RTL1: variants seen among roughly 807,000 people sequenced by gnomAD.
RTL1 encodes retrotransposon Gag like 1, also known as retrotransposon-like protein 1.
For missense variants in RTL1, 1,681 were observed against 1,767.5 expected, an observed-to-expected ratio of 0.95 and a Z score of 0.88; for synonymous variants, 727 against 748.4, an observed-to-expected ratio of 0.97 and a Z score of 0.47.
chr14:100,889,213 C>A (rs188592946), intron 3 of RTL1, among the ~76,000 whole-genome samples: 113 of 152,304 alleles, frequency 7.4e-4, no homozygotes, highest in Middle Eastern at 3.4e-3. Flanking sequence ...CTTAAAATCT[C>A]AACGTGTTTT....
At chr14:100,890,466 G>C (rs1395877356) in intron 3 of RTL1, among the ~76,000 whole-genome samples, 11 of 150,508 alleles carry the variant, frequency 7.3e-5, no homozygotes, top group Non-Finnish European at 1.6e-4. Context: ...CCGGGGTGGG[G>C]GAATTAGGGG....
At chr14:100,886,324 C>A (rs73349355) in intron 3 of RTL1, among the ~76,000 whole-genome samples, 2,427 of 152,004 alleles carry the variant, frequency 0.016, 66 homozygotes, top group African/African-American at 0.055. Context: ...AAATTAAGTA[C>A]ACCCTTGTTA....
At chr14:100,897,763 T>TGGGGGGGGGGGGGGGGGGGGGGGGGGG (rs1566760864) in intron 2 of RTL1, 5 of 26,742 alleles carry the variant, frequency 1.9e-4, no homozygotes, top group African/African-American at 1.9e-4. Flanking sequence ...GGGGGGGGGG[T>TGGGGGGGGGGGGGGGGGGGGGGGGGGG]GGGGGGGTGG....
At position 100,880,993 on chromosome 14, in the gene RTL1, C is replaced by T. The variant is rs376273157; in HGVS notation, c.3796G>A (p.Glu1266Lys). Residue 1266 changes from glutamate to lysine, a missense_variant, in exon 4 of 4, where the codon GAG (glutamate) becomes AAG (lysine). Coordinates refer to ENST00000649591, the MANE Select transcript of RTL1 (RefSeq NM_001134888.3). ...GCTGCTGTGTGGCTGGGTGGGGCCT[C>T]CTGCACGTCGTTGTCCTGCTTGTCC... ...SQDKQDNDVQ[E>K]APPSHTAATH... 6.5e-5 allele frequency: 102 copies of T among 1,563,804 alleles called. No homozygotes were observed. The East Asian group carries it at 1.1e-3, about 17-fold the overall frequency.
chr14:100,885,734 T>A (rs2140039585), intron 3 of RTL1, among the ~76,000 whole-genome samples: 1 of 152,302 alleles, frequency 6.6e-6, no homozygotes, highest in African/African-American at 2.4e-5. Context: ...CTCCCAGGAC[T>A]GCCCTCTTTG....
At chr14:100,891,231 T>C (rs2140046890) in intron 3 of RTL1, among the ~76,000 whole-genome samples, 1 of 152,196 alleles carries the variant, frequency 6.6e-6, no homozygotes, top group East Asian at 1.9e-4. Context: ...AAAGACGACT[T>C]GAGCCTTACA....
At position 100,881,223 on chromosome 14, in the gene RTL1, G is replaced by C; in HGVS notation, c.3566C>G (p.Thr1189Ser). Residue 1189 changes from threonine (T) to serine (S), a missense_variant, in exon 4 of 4, where the codon ACC becomes AGC. Transcript: ENST00000649591. The surrounding 1 kb of genome is among the most constrained non-coding windows in gnomAD (Gnocchi z 6.6). ...ACACAGCGTCAGCCAGAAGCCAGGGGTGAACTGCAGGCCTCGGTGGGCCTG... is the reference window on the plus strand; with the variant it reads ...ACACAGCGTCAGCCAGAAGCCAGGGCTGAACTGCAGGCCTCGGTGGGCCTG... ...HSQAHRGLQF[T>S]PGFWLTLCEF... The C allele has an allele frequency of 6.5e-7, 1 of 1,546,650 alleles. No homozygotes were observed. Among genetic ancestry groups the C allele is most frequent in the African/African-American group, 1.4e-5 (1 of 73,092 alleles).
intron 2 of RTL1, among the ~76,000 whole-genome samples, chr14:100,898,489 C>T (rs1294152918): frequency 6.6e-6 from 1 of 152,188 alleles, no homozygotes; most frequent in African/African-American, 2.4e-5. Flanking sequence ...GCATTTTGAC[C>T]TTGTTACTGT....
chr14:100,899,811 G>T (rs554216422), intron 2 of RTL1, among the ~76,000 whole-genome samples: 19 of 151,686 alleles, frequency 1.3e-4, no homozygotes, highest in African/African-American at 4.4e-4. Flanking sequence ...TAGCCAACAC[G>T]CAGTACCCAG....
chr14:100,903,024 G>A (rs565980550), intron 2 of RTL1, among the ~76,000 whole-genome samples: 1 of 152,286 alleles, frequency 6.6e-6, no homozygotes, highest in South Asian at 2.1e-4. Context: ...CCGGCCTGTG[G>A]AACTCACAGT....
chr14:100,880,229 C>A lies in RTL1; in HGVS notation c.*483G>T, dbSNP rs1211083416. Among the ~76,000 whole-genome samples the A allele has an allele frequency of 1.9e-4, 13 of 67,746 alleles. No homozygotes were observed. The highest frequency in any genetic ancestry group is 1.8e-4 in the African/African-American group (3 of 16,282). The allele number at this position is 67,746 out of a possible 152,430, so 44.4% of individuals were successfully genotyped here. On this transcript the variant is annotated 3_prime_UTR_variant, in exon 4 of 4. Transcript: ENST00000649591. ...GGGGATGGGGGTTGGGGGGCGGGGGCGGGAGCTCAGGGGAGCAGGAGCACC... is the reference window on the plus strand; with the variant it reads ...GGGGATGGGGGTTGGGGGGCGGGGGAGGGAGCTCAGGGGAGCAGGAGCACC...
chr14:100,890,464 G>T (rs558145450), intron 3 of RTL1, among the ~76,000 whole-genome samples: 2 of 151,668 alleles, frequency 1.3e-5, no homozygotes, highest in African/African-American at 4.8e-5. Flanking sequence ...GGCCGGGGTG[G>T]GGGAATTAGG....
chr14:100,895,303 A>G (rs2038840143), intron 2 of RTL1, among the ~76,000 whole-genome samples: 1 of 152,042 alleles, frequency 6.6e-6, no homozygotes, highest in South Asian at 2.1e-4. Context: ...GAGATGGATG[A>G]CTGTGGGGGT....
In RTL1 at chr14:100,882,361, G is replaced by A. The variant is rs777275146; in HGVS notation, c.2428C>T (p.Arg810Ter). Residue 810 changes from arginine to a stop codon, truncating the protein, a stop_gained, in exon 4 of 4, where the codon CGA (arginine) becomes TGA (stop). Coordinates refer to ENST00000649591, the MANE Select transcript of RTL1 (RefSeq NM_001134888.3). LOFTEE classifies it low-confidence loss of function (END_TRUNC). ...YPTPGSKLSLRNFIEFVFPYR... is the reference protein window; with the variant it reads ...YPTPGSKLSL ...GGGAAGACGAATTCGATGAAGTTTC[G>A]CAGAGATAGCTTGGAGCCAGGGGTA... 5 of 1,551,692 alleles carry A rather than the reference G, an allele frequency of 3.2e-6. No individual in the cohort carries two copies. Among genetic ancestry groups the A allele is most frequent in the Non-Finnish European group, 4.4e-6 (5 of 1,146,990 alleles).
intron 3 of RTL1, among the ~76,000 whole-genome samples, chr14:100,888,858 T>G (rs2038729349): frequency 6.6e-6 from 1 of 152,204 alleles, no homozygotes. Flanking sequence ...GTGTCAACAT[T>G]AATCACACCT....
At chr14:100,887,687 T>C (rs1372348496) in intron 3 of RTL1, among the ~76,000 whole-genome samples, 3 of 151,844 alleles carry the variant, frequency 2.0e-5, no homozygotes, top group Non-Finnish European at 4.4e-5. Context: ...ACCTTGGAGG[T>C]TGCAGTGAGC....
chr14:100,889,485 C>T (rs1364477938), intron 3 of RTL1, among the ~76,000 whole-genome samples: 5 of 152,202 alleles, frequency 3.3e-5, no homozygotes, highest in South Asian at 2.1e-4. Flanking sequence ...CTGTTCCTCA[C>T]GCTTCTCTCT....
chr14:100,891,192 T>G (rs2038772053), intron 3 of RTL1, among the ~76,000 whole-genome samples: 2 of 152,054 alleles, frequency 1.3e-5, no homozygotes, highest in South Asian at 4.1e-4. Flanking sequence ...CCGGGACCCT[T>G]CAATCTTGCA....
At chr14:100,892,420 T>C (rs1052530528) in intron 3 of RTL1, among the ~76,000 whole-genome samples, 4 of 152,174 alleles carry the variant, frequency 2.6e-5, no homozygotes, top group Non-Finnish European at 5.9e-5. Context: ...AAGACGGGTG[T>C]GTGAAGCCCT....
Sources: allele counts gnomAD v4.1 joint callset (sites outside exome capture counted in the v4.1 genomes callset), GRCh38; gene constraint gnomAD v4.1.1; non-coding constraint Gnocchi (gnomAD v3.1); transcripts MANE v1.5; gene names NCBI Gene and HGNC (gene_info 2026-07-23, HGNC 2026-07-21).